Variants in MEOX2 observed in about 807,000 individuals in gnomAD.
MEOX2 encodes the protein mesenchyme homeobox 2.
In MEOX2, 11 loss-of-function variants were observed where a neutral mutation model predicts 27.0. The ratio of observed to expected loss-of-function variants is 0.41; its 90% CI spans 0.26 to 0.68. The LOEUF (loss-of-function observed/expected upper bound fraction) is 0.68, where lower values mean the gene tolerates loss of function less well. MEOX2 is among the 30% of genes least tolerant of loss of function. The pLI, the probability that MEOX2 is intolerant of heterozygous loss-of-function variation, is 0.33. For missense variants in MEOX2, 436 were observed against 385.4 expected, an observed-to-expected ratio of 1.13 and a Z score of -1.10; for synonymous variants, 189 against 155.4, an observed-to-expected ratio of 1.22 and a Z score of -1.61.
Position 15,644,898 on chromosome 7 carries a change from C to T in MEOX2, c.518-17980G>A, listed in dbSNP as rs143789058. Reference sequence around the variant, plus strand: ...AAGGTGACTTCAAGAGGGTTACAAACTTCCTGAAAATTTAACGGTCAGCTT... The same window carrying T: ...AAGGTGACTTCAAGAGGGTTACAAATTTCCTGAAAATTTAACGGTCAGCTT... On this transcript the variant is annotated intron_variant, in intron 1 of 2. Transcript: ENST00000262041. 6.1e-3 allele frequency among the ~76,000 whole-genome samples: 932 copies of T among 152,230 alleles called. 10 individuals carry two copies. The highest frequency in any genetic ancestry group is 0.021 in the African/African-American group (859 of 41,522).
intron 1 of MEOX2, chr7:15,680,762 A>G (rs989967620): frequency 6.6e-6 from 1 of 151,944 alleles, no homozygotes; most frequent in South Asian, 2.1e-4. Context: ...TGACTACAAA[A>G]TGTGTCTTGT....
At chr7:15,668,748 T>C (rs1782050844) in intron 1 of MEOX2, among the ~76,000 whole-genome samples, 1 of 152,134 alleles carries the variant, frequency 6.6e-6, no homozygotes, top group Admixed American at 6.5e-5. Flanking sequence ...AGTGCTGAGA[T>C]TACAGGCATG....
At chr7:15,652,107 T>C (rs1781740613) in intron 1 of MEOX2, among the ~76,000 whole-genome samples, 2 of 152,086 alleles carry the variant, frequency 1.3e-5, no homozygotes, top group African/African-American at 4.8e-5. Context: ...AAGACTCAAT[T>C]GCTTTGAACC....
chr7:15,619,044 T>C (rs1332851456), intron 2 of MEOX2, among the ~76,000 whole-genome samples: 2 of 152,006 alleles, frequency 1.3e-5, no homozygotes, highest in Non-Finnish European at 2.9e-5. Flanking sequence ...CAAAGTCGTT[T>C]ATAGTCAAAG....
intron 1 of MEOX2, among the ~76,000 whole-genome samples, chr7:15,637,457 A>C (rs1288976573): frequency 6.6e-6 from 1 of 152,024 alleles, no homozygotes; most frequent in African/African-American, 2.4e-5. Context: ...TTTACTGAAC[A>C]CGTGTGCTAC....
At chr7:15,626,293 T>C (rs949407758) in intron 2 of MEOX2, among the ~76,000 whole-genome samples, 1 of 152,108 alleles carries the variant, frequency 6.6e-6, no homozygotes, top group African/African-American at 2.4e-5. Context: ...AGTGAGTAAG[T>C]AATGAACATT....
intron 1 of MEOX2, among the ~76,000 whole-genome samples, chr7:15,643,190 A>AG (rs1363994190): frequency 3.3e-5 from 5 of 152,264 alleles, no homozygotes; most frequent in Non-Finnish European, 4.4e-5. Flanking sequence ...TGCAGGTGAG[A>AG]GGCAGTTGCA....
chr7:15,665,909 G>T (rs574132491), intron 1 of MEOX2, among the ~76,000 whole-genome samples: 1 of 152,174 alleles, frequency 6.6e-6, no homozygotes, highest in African/African-American at 2.4e-5. Context: ...TCAATGGGAT[G>T]CTATTATTCC....
chr7:15,682,523 C>A (rs373013879), intron 1 of MEOX2, among the ~76,000 whole-genome samples: 104 of 151,880 alleles, frequency 6.8e-4, no homozygotes, highest in African/African-American at 2.5e-3. Context: ...TAAAGTCTAC[C>A]TCCCCAAATC....
intron 1 of MEOX2, among the ~76,000 whole-genome samples, chr7:15,661,228 A>G (rs932335519): frequency 3.3e-5 from 5 of 152,028 alleles, no homozygotes; most frequent in African/African-American, 9.7e-5. Flanking sequence ...ATAAGTGGCT[A>G]TCTTTTTTCC....
At chr7:15,623,340 A>C (rs1173676514) in intron 2 of MEOX2, among the ~76,000 whole-genome samples, 1 of 152,206 alleles carries the variant, frequency 6.6e-6, no homozygotes, top group East Asian at 1.9e-4. Flanking sequence ...CAGAAAATAC[A>C]ATATAACTTA....
At chr7:15,681,025 A>G (rs1475300929) in intron 1 of MEOX2, 1 of 151,712 alleles carries the variant, frequency 6.6e-6, no homozygotes, top group Non-Finnish European at 1.5e-5. Flanking sequence ...TTATCAAAAA[A>G]AAAAGTGAGA....
intron 1 of MEOX2, among the ~76,000 whole-genome samples, chr7:15,628,605 G>GTTGA (rs1781353192): frequency 6.6e-6 from 1 of 152,102 alleles, no homozygotes; most frequent in African/African-American, 2.4e-5. Context: ...TCATGCACAG[G>GTTGA]TTGATTGCAC....
rs544200282 is a variant in MEOX2 at position 15,640,985 on chromosome 7, T to A, written c.518-14067A>T. On this transcript the variant is annotated intron_variant, in intron 1 of 2. Coordinates refer to ENST00000262041, the MANE Select transcript of MEOX2 (RefSeq NM_005924.5). ...TCATCAGAGATATTGGCTTATGATTTTATTTTTGTTGTTGTTGTTGTGGGT... is the reference window on the plus strand; with the variant it reads ...TCATCAGAGATATTGGCTTATGATTATATTTTTGTTGTTGTTGTTGTGGGT... Among the ~76,000 whole-genome samples the A allele has an allele frequency of 2.0e-5, 3 of 152,226 alleles. No homozygotes were observed. The East Asian group carries it at 5.8e-4, about 29-fold the overall frequency.
chr7:15,652,936 A>G (rs1248386697), intron 1 of MEOX2, among the ~76,000 whole-genome samples: 1 of 152,002 alleles, frequency 6.6e-6, no homozygotes, highest in Non-Finnish European at 1.5e-5. Flanking sequence ...ACTTCTGTGG[A>G]TATTCATGCA....
chr7:15,611,748 T>C lies in MEOX2; in HGVS notation c.*639A>G, dbSNP rs1181177185. On this transcript the variant is annotated 3_prime_UTR_variant, in exon 3 of 3. Transcript: ENST00000262041. ...AAAATGTATAAAAAAGACAAGAAAC[T>C]GGCTCTGGTTGTCATTGTGAGTGCC... is the stretch of plus-strand genomic sequence containing the variant. 1 of 153,138 alleles carries C rather than the reference T, an allele frequency of 6.5e-6. No individual in the cohort carries two copies. The highest frequency in any genetic ancestry group is 1.5e-5 in the Non-Finnish European group (1 of 68,486). The allele number at this position is 153,138 out of a possible 1,614,324, so 9.5% of individuals were successfully genotyped here.
chr7:15,685,027 G>A (rs1459300920), intron 1 of MEOX2, among the ~76,000 whole-genome samples: 1 of 152,112 alleles, frequency 6.6e-6, no homozygotes, highest in Non-Finnish European at 1.5e-5. Flanking sequence ...CGCCTCCTGC[G>A]CGCACCCTTG....
At chr7:15,674,140 C>G (rs1782155310) in intron 1 of MEOX2, among the ~76,000 whole-genome samples, 1 of 151,958 alleles carries the variant, frequency 6.6e-6, no homozygotes, top group South Asian at 2.1e-4. Context: ...TTAGCCGGTC[C>G]CTGTGTCATG....
chr7:15,645,592 A>G (rs1024201287), intron 1 of MEOX2, among the ~76,000 whole-genome samples: 2 of 152,194 alleles, frequency 1.3e-5, no homozygotes, highest in African/African-American at 2.4e-5. Flanking sequence ...AGCTTAAAGC[A>G]AACAGAAATG....
Sources: allele counts gnomAD v4.1 joint callset (sites outside exome capture counted in the v4.1 genomes callset), GRCh38; gene constraint gnomAD v4.1.1; transcripts MANE v1.5; gene names NCBI Gene and HGNC (gene_info 2026-07-23, HGNC 2026-07-21).